Variants in MCTP2 observed in about 807,000 individuals in gnomAD.
MCTP2 encodes multiple C2 and transmembrane domain containing 2.
In MCTP2, 132 loss-of-function variants were observed where a neutral mutation model predicts 111.6. That is an observed-to-expected ratio of 1.18 (90% CI 1.03 to 1.37). MCTP2 has a LOEUF of 1.37. Among genes scored for constraint, MCTP2 ranks in the 40% most tolerant of loss-of-function variants. The probability of loss-of-function intolerance (pLI) is 0.00; values close to 1 mark genes in which losing one functional copy is unlikely to be tolerated. For synonymous variants in MCTP2, 395 were observed against 387.7 expected, an observed-to-expected ratio of 1.02 and a Z score of -0.22; for missense variants, 1,183 against 1,067.9, an observed-to-expected ratio of 1.11 and a Z score of -1.50.
At chr15:94,249,361 T>A (rs1336405980) in intron 1 of MCTP2, among the ~76,000 whole-genome samples, 1 of 152,200 alleles carries the variant, frequency 6.6e-6, no homozygotes, top group Admixed American at 6.5e-5. Context: ...TTCTATAGGA[T>A]CTATGGTTCT....
chr15:94,260,834 G>A (rs567109909), intron 1 of MCTP2, among the ~76,000 whole-genome samples: 1 of 152,256 alleles, frequency 6.6e-6, no homozygotes, highest in South Asian at 2.1e-4. Context: ...CATGATGGGA[G>A]GGGACAGCCA....
chr15:94,296,270 G>A (rs188426229), intron 1 of MCTP2, among the ~76,000 whole-genome samples: 50 of 152,310 alleles, frequency 3.3e-4, no homozygotes, highest in East Asian at 1.7e-3. Context: ...ATGTACTTGC[G>A]TATTGCTAAC....
At chr15:94,315,404 T>G in intron 3 of MCTP2, 125 bp from the exon 4 acceptor site, 1 of 636,248 alleles carries the variant, frequency 1.6e-6, no homozygotes, top group South Asian at 2.1e-5. Flanking sequence ...TGAGGAGGAG[T>G]TGGGGATGAC....
intron 1 of MCTP2, among the ~76,000 whole-genome samples, chr15:94,265,395 G>T (rs1349030027): frequency 1.3e-5 from 2 of 152,156 alleles, no homozygotes; most frequent in East Asian, 3.8e-4. Flanking sequence ...GGACATTGTG[G>T]CTGGGACCTT....
intron 1 of MCTP2, among the ~76,000 whole-genome samples, chr15:94,243,177 ATG>A (rs2071187812): frequency 7.1e-6 from 1 of 140,388 alleles, no homozygotes; most frequent in Non-Finnish European, 1.6e-5. Flanking sequence ...ATACGTACGT[ATG>A]TACGTATGCG....
chr15:94,352,593 G>A (rs537186744), intron 8 of MCTP2, among the ~76,000 whole-genome samples: 5 of 152,270 alleles, frequency 3.3e-5, no homozygotes, highest in South Asian at 2.1e-4. Context: ...ATCTCTTGGC[G>A]TCTGTTTCAG....
At chr15:94,261,758 A>G (rs2073195738) in intron 1 of MCTP2, among the ~76,000 whole-genome samples, 1 of 152,212 alleles carries the variant, frequency 6.6e-6, no homozygotes, top group Non-Finnish European at 1.5e-5. Flanking sequence ...TTTTTTTCTA[A>G]CCATGTATTA....
At chr15:94,457,293 G>C (rs1245353578) in intron 19 of MCTP2, among the ~76,000 whole-genome samples, 1 of 152,112 alleles carries the variant, frequency 6.6e-6, no homozygotes, top group African/African-American at 2.4e-5. Context: ...CTACTCTTTA[G>C]GGAATCTCCT....
intron 2 of MCTP2, among the ~76,000 whole-genome samples, chr15:94,301,636 T>C (rs2075617650): frequency 6.6e-6 from 1 of 152,228 alleles, no homozygotes. Context: ...GATAGCAACG[T>C]GTGCATTCAG....
chr15:94,404,698 G>C (rs1342492084), intron 17 of MCTP2, among the ~76,000 whole-genome samples: 1 of 151,752 alleles, frequency 6.6e-6, no homozygotes, highest in African/African-American at 2.4e-5. Context: ...TACCTTGCCT[G>C]TAGACCTGTT....
intron 19 of MCTP2, among the ~76,000 whole-genome samples, chr15:94,448,285 C>T (rs1263271832): frequency 6.6e-6 from 1 of 152,128 alleles, no homozygotes; most frequent in Admixed American, 6.5e-5. Flanking sequence ...CACTAATATT[C>T]CTAGTACAAG....
At chr15:94,404,849 C>T (rs1389136407) in intron 17 of MCTP2, among the ~76,000 whole-genome samples, 1 of 152,174 alleles carries the variant, frequency 6.6e-6, no homozygotes, top group East Asian at 1.9e-4. Context: ...AGCCCAGGCT[C>T]TCCTCTGCCT....
intron 17 of MCTP2, among the ~76,000 whole-genome samples, chr15:94,404,616 C>T (rs1362482679): frequency 1.3e-5 from 2 of 152,008 alleles, no homozygotes. Context: ...CATCTTCTTT[C>T]ATTCTTCTTT....
chr15:94,346,352 C>A (rs1445307061), intron 8 of MCTP2, among the ~76,000 whole-genome samples: 1 of 152,104 alleles, frequency 6.6e-6, no homozygotes, highest in African/African-American at 2.4e-5. Flanking sequence ...GACTCTGATT[C>A]TTTTTAGTAA....
intron 9 of MCTP2, among the ~76,000 whole-genome samples, chr15:94,357,158 G>A (rs959238783): frequency 6.6e-6 from 1 of 152,156 alleles, no homozygotes; most frequent in Non-Finnish European, 1.5e-5. Context: ...GGAGGCAAGA[G>A]GTTGTGCGCA....
intron 1 of MCTP2, among the ~76,000 whole-genome samples, chr15:94,289,877 C>G: frequency 6.6e-6 from 1 of 152,146 alleles, no homozygotes; most frequent in East Asian, 1.9e-4. Context: ...GATAGAATAA[C>G]CTTTGTTTTC....
At chr15:94,242,043 T>C (rs2071006292) in intron 1 of MCTP2, among the ~76,000 whole-genome samples, 2 of 152,138 alleles carry the variant, frequency 1.3e-5, no homozygotes, top group African/African-American at 4.8e-5. Context: ...AATTATTCTC[T>C]CCATTCAGCA....
chr15:94,301,829 T>C, intron 2 of MCTP2, among the ~76,000 whole-genome samples: 1 of 151,348 alleles, frequency 6.6e-6, no homozygotes, highest in East Asian at 1.9e-4. Context: ...ATTTATCATT[T>C]CTGCTTTTTT....
intron 1 of MCTP2, among the ~76,000 whole-genome samples, chr15:94,291,027 A>G (rs2075005995): frequency 6.6e-6 from 1 of 152,230 alleles, no homozygotes; most frequent in Admixed American, 6.5e-5. Context: ...AACCAACTGA[A>G]TCTAATGGAC....
Sources: allele counts gnomAD v4.1 joint callset (sites outside exome capture counted in the v4.1 genomes callset), GRCh38; gene constraint gnomAD v4.1.1; transcripts MANE v1.5; gene names NCBI Gene and HGNC (gene_info 2026-07-23, HGNC 2026-07-21).